Variants in MYO5B observed in about 807,000 individuals in gnomAD.
The protein encoded by MYO5B is myosin VB.
MYO5B carries 143 observed loss-of-function variants against 229.3 expected under a neutral mutation model. The observed-to-expected ratio is 0.62, with a 90% confidence interval of 0.54 to 0.72. The LOEUF (loss-of-function observed/expected upper bound fraction) is 0.72, where lower values mean the gene tolerates loss of function less well. Among genes scored for constraint, MYO5B ranks in the 30% least tolerant of loss-of-function variants. The pLI is 0.00. For synonymous variants in MYO5B, 918 were observed against 885.2 expected (o/e 1.04, Z -0.66); for missense variants, 2,321 against 2,331.0 (o/e 1.00, Z 0.09).
chr18:49,836,780 T>C lies in MYO5B; in HGVS notation c.5244A>G (p.Gln1748=). The change falls in exon 38 of 40, where the codon CAA becomes CAG. Residue 1748 remains glutamine, a synonymous_variant. Coordinates refer to ENST00000285039, the MANE Select transcript of MYO5B (RefSeq NM_001080467.3). The part of the protein sequence containing the change: ...EPLIQAAQLL[Q]LKKKTQEDAE... ...CGTCCTCCTGGGTTTTCTTCTTTAA[T>C]TGCAGGAGCTGGGCTGCTTGGATCA... 2 of 1,614,212 alleles carry C rather than the reference T, an allele frequency of 1.2e-6. No homozygotes were observed. Among genetic ancestry groups the C allele is most frequent in the African/African-American group, 1.3e-5 (1 of 75,066 alleles).
chr18:49,826,287 A>C lies in MYO5B; in HGVS notation c.*184T>G. 1.4e-6 allele frequency: 1 copy of C among 701,912 alleles called. No individual in the cohort carries two copies. The highest frequency in any genetic ancestry group is 2.8e-5 in the East Asian group (1 of 35,526). The allele number at this position is 701,912 out of a possible 1,614,324, so 43.5% of individuals were successfully genotyped here. A position where few individuals can be genotyped will look rare whatever the true frequency, so the allele number is the denominator to read the frequency against. ...TATTTCAAGTGTTTTTATTCTGAGC[A>C]GTAGGTACAAAAAATAATGACATAG... On this transcript the variant is annotated 3_prime_UTR_variant, in exon 40 of 40. Coordinates refer to ENST00000285039, the MANE Select transcript of MYO5B (RefSeq NM_001080467.3).
At chr18:49,894,534 C>T (rs1158854018) in intron 22 of MYO5B, among the ~76,000 whole-genome samples, 1 of 152,212 alleles carries the variant, frequency 6.6e-6, no homozygotes, top group African/African-American at 2.4e-5. Flanking sequence ...CACCAAAGCA[C>T]AGTGCTGCAT....
chr18:49,953,241 C>G lies in MYO5B; in HGVS notation c.1752+19G>C. On this transcript the variant is annotated intron_variant, in intron 14 of 39. Transcript: ENST00000285039. ...CCGTGGGCATTCCTGCTCCACTCCC[C>G]ACTTCTGACACTCTTTACCTTGCTG... 6.2e-7 allele frequency: 1 copy of G among 1,611,070 alleles called. No homozygotes were observed. The highest frequency in any genetic ancestry group is 8.5e-7 in the Non-Finnish European group (1 of 1,177,250).
In MYO5B at chr18:49,928,923, C is replaced by T. The variant is rs1217614; in HGVS notation, c.2090+589G>A. Reference sequence around the variant, plus strand: ...ATAAGTGGGAGCTAAGCTATGAGGACGCAAAGGCATAAGAACGATACAATG... The same window carrying T: ...ATAAGTGGGAGCTAAGCTATGAGGATGCAAAGGCATAAGAACGATACAATG... On this transcript the variant is annotated intron_variant, in intron 17 of 39. Transcript: ENST00000285039. Among the ~76,000 whole-genome samples the T allele has an allele frequency of 6.3e-4, 96 of 151,996 alleles. No individual in the cohort carries two copies. The East Asian group carries it at 0.012, about 20-fold the overall frequency.
chr18:50,050,296 T>G (rs1386415505), intron 2 of MYO5B, among the ~76,000 whole-genome samples: 1 of 152,194 alleles, frequency 6.6e-6, no homozygotes. Context: ...TTGCCAGATG[T>G]GTGCACAGCA....
chr18:49,843,060 A>T (rs1490957403), intron 34 of MYO5B, among the ~76,000 whole-genome samples, 181 bp downstream of exon 34: 1 of 152,212 alleles, frequency 6.6e-6, no homozygotes, highest in Non-Finnish European at 1.5e-5. Context: ...GGGCCTGAGC[A>T]TCCTTCTCTG....
At chr18:50,134,649 G>C (rs1000832668) in intron 1 of MYO5B, among the ~76,000 whole-genome samples, 2 of 152,106 alleles carry the variant, frequency 1.3e-5, no homozygotes, top group Admixed American at 6.5e-5. Context: ...GTGATTTCTT[G>C]CATGTAAGAA....
chr18:49,836,037 T>C (rs2023983092), intron 38 of MYO5B, among the ~76,000 whole-genome samples: 1 of 152,152 alleles, frequency 6.6e-6, no homozygotes, highest in South Asian at 2.1e-4. Flanking sequence ...TTTAAAGAGT[T>C]AGATATTTAA....
Position 50,194,860 on chromosome 18 carries a change from C to T in MYO5B, c.-67G>A. On this transcript the variant is annotated 5_prime_UTR_variant, in exon 1 of 40. Coordinates refer to ENST00000285039, the MANE Select transcript of MYO5B (RefSeq NM_001080467.3). ...CCCGCGGCTCTCAGTCCGCGGCTGG[C>T]CCGCCTGGCGCCATGTTCCCGGGCT... 8.0e-7 allele frequency: 1 copy of T among 1,246,136 alleles called. No homozygotes were observed. Among genetic ancestry groups the T allele is most frequent in the Non-Finnish European group, 1.0e-6 (1 of 998,236 alleles). 77.2% of individuals were successfully genotyped at this position (1,246,136 alleles called of 1,614,324 possible).
At chr18:50,148,946 G>A (rs1330698530) in intron 1 of MYO5B, among the ~76,000 whole-genome samples, 4 of 152,222 alleles carry the variant, frequency 2.6e-5, no homozygotes, top group South Asian at 2.1e-4. Context: ...CACTGTCTCA[G>A]CCCAAAATCT....
At chr18:50,007,327 ACTT>A (rs952968824) in intron 4 of MYO5B, among the ~76,000 whole-genome samples, 8 of 152,034 alleles carry the variant, frequency 5.3e-5, no homozygotes, top group African/African-American at 1.9e-4. Flanking sequence ...ATCCTATTGA[ACTT>A]CTCTCCAGGG....
chr18:50,074,712 C>CA lies in MYO5B; in HGVS notation c.28-19335dup, dbSNP rs564082244. 1.2e-3 allele frequency among the ~76,000 whole-genome samples: 184 copies of CA among 152,308 alleles called. 2 individuals carry two copies. Among genetic ancestry groups the CA allele is most frequent in the African/African-American group, 4.3e-3 (179 of 41,572 alleles). ...AACAGGTCTGTTAATCACTTTCCACCATCCCCACTATCAGATTTTCTTATC... is the reference window on the plus strand; with the variant it reads ...AACAGGTCTGTTAATCACTTTCCACCAATCCCCACTATCAGATTTTCTTATC... On this transcript the variant is annotated intron_variant, in intron 1 of 39. Transcript: ENST00000285039.
chr18:50,057,154 T>C (rs1271235401), intron 1 of MYO5B, among the ~76,000 whole-genome samples: 2 of 152,236 alleles, frequency 1.3e-5, no homozygotes, highest in East Asian at 3.8e-4. Context: ...ACTGTCAACA[T>C]TTCTTCTACC....
chr18:50,034,220 G>A (rs1387744208), intron 4 of MYO5B, among the ~76,000 whole-genome samples: 1 of 152,202 alleles, frequency 6.6e-6, no homozygotes, highest in African/African-American at 2.4e-5. Flanking sequence ...AATGACTACT[G>A]ATGAGTCAGA....
At chr18:50,063,596 A>G (rs1009382375) in intron 1 of MYO5B, among the ~76,000 whole-genome samples, 4 of 152,220 alleles carry the variant, frequency 2.6e-5, no homozygotes, top group Admixed American at 2.0e-4. Context: ...CAGAGAAGAA[A>G]GAGTCGCTCT....
intron 1 of MYO5B, among the ~76,000 whole-genome samples, chr18:50,185,807 A>C (rs578046370): frequency 6.6e-6 from 1 of 152,140 alleles, no homozygotes; most frequent in African/African-American, 2.4e-5. Flanking sequence ...ATTACAGTAC[A>C]TCCATATGCT....
chr18:49,929,990 G>A (rs2025172237), intron 16 of MYO5B, among the ~76,000 whole-genome samples: 1 of 151,932 alleles, frequency 6.6e-6, no homozygotes. Context: ...AAGCATATAT[G>A]CTTAGCCCCA....
chr18:50,182,316 C>T (rs1053243281), intron 1 of MYO5B, among the ~76,000 whole-genome samples: 5 of 152,146 alleles, frequency 3.3e-5, no homozygotes, highest in African/African-American at 1.2e-4. Context: ...CCATACATGC[C>T]CCCACCTCAT....
intron 1 of MYO5B, among the ~76,000 whole-genome samples, chr18:50,128,939 T>C (rs1030696689): frequency 6.6e-6 from 1 of 152,230 alleles, no homozygotes; most frequent in African/African-American, 2.4e-5. Flanking sequence ...AGGCTTTTTA[T>C]TGACAAACCC....
Sources: allele counts gnomAD v4.1 joint callset (sites outside exome capture counted in the v4.1 genomes callset), GRCh38; gene constraint gnomAD v4.1.1; transcripts MANE v1.5; gene names NCBI Gene and HGNC (gene_info 2026-07-23, HGNC 2026-07-21).